HMCN1: variants seen among roughly 807,000 people sequenced by gnomAD.
HMCN1 encodes the protein hemicentin 1, also known as hemicentin-1.
In HMCN1, 321 loss-of-function variants were observed where a neutral mutation model predicts 625.9. The observed-to-expected ratio is 0.51, with a 90% confidence interval of 0.47 to 0.56. The LOEUF is 0.56. HMCN1 is among the 20% of genes least tolerant of loss of function. HMCN1 has a pLI of 0.00. For missense variants in HMCN1, 6,588 were observed against 6,887.3 expected, an observed-to-expected ratio of 0.96 and a Z score of 1.54; for synonymous variants, 2,425 against 2,417.6, an observed-to-expected ratio of 1.00 and a Z score of -0.09.
At position 185,982,405 on chromosome 1, in the gene HMCN1, A is replaced by T; in HGVS notation, c.2790+16A>T. 1.2e-6 allele frequency: 2 copies of T among 1,606,386 alleles called. No homozygotes were observed. The highest frequency in any genetic ancestry group is 1.7e-6 in the Non-Finnish European group (2 of 1,174,006). On this transcript the variant is annotated intron_variant, in intron 18 of 106. Coordinates refer to ENST00000271588, the MANE Select transcript of HMCN1 (RefSeq NM_031935.3). ...TTCAGCTATGGTAAGAACATTTTAAATGCATGCATTCACATTCTTTTGTGA... is the reference window on the plus strand; with the variant it reads ...TTCAGCTATGGTAAGAACATTTTAATTGCATGCATTCACATTCTTTTGTGA...
At chr1:185,928,418 G>T in intron 9 of HMCN1, 128 bp from the exon 10 acceptor site, 2 of 763,978 alleles carry the variant, frequency 2.6e-6, no homozygotes, top group South Asian at 3.0e-5. Context: ...AAAGAACTCT[G>T]CAGTTTTATC....
At chr1:185,803,203 AG>A (rs1658919477) in intron 1 of HMCN1, among the ~76,000 whole-genome samples, 34 of 124,364 alleles carry the variant, frequency 2.7e-4, no homozygotes, top group East Asian at 8.7e-4. Flanking sequence ...AAAAAAAAAA[AG>A]CAAAAAAAAA....
chr1:185,936,230 T>G (rs1217364660), intron 11 of HMCN1, among the ~76,000 whole-genome samples: 1 of 152,110 alleles, frequency 6.6e-6, no homozygotes, highest in Non-Finnish European at 1.5e-5. Flanking sequence ...AAGAATTTTC[T>G]TCTTTAAGAT....
At chr1:185,891,875 A>T (rs1434075328) in intron 4 of HMCN1, among the ~76,000 whole-genome samples, 3 of 147,776 alleles carry the variant, frequency 2.0e-5, no homozygotes, top group Non-Finnish European at 2.9e-5. Flanking sequence ...TAGATTGGGG[A>T]AATTCTCCAG....
Position 186,145,556 on chromosome 1 carries a change from A to C in HMCN1, c.14420A>C (p.Asn4807Thr). 1 of 1,614,096 alleles carries C rather than the reference A, an allele frequency of 6.2e-7. No homozygotes were observed. Among genetic ancestry groups the C allele is most frequent in the Non-Finnish European group, 8.5e-7 (1 of 1,179,984 alleles). Residue 4807 changes from asparagine (N) to threonine (T), a missense_variant, in exon 92 of 107, where the codon AAC becomes ACC. Around this residue, in one of 3 missense-constraint regions of HMCN1, gnomAD observed 1,954 missense variants for 2,013.1 expected, o/e 0.97. Transcript: ENST00000271588. Reference sequence around the variant, plus strand: ...CCAGACTCCCAGATCCAGAGGTGCAACACTGACATGTGTCCTGGTGAGCCT... The same window carrying C: ...CCAGACTCCCAGATCCAGAGGTGCACCACTGACATGTGTCCTGGTGAGCCT... ...GGPDSQIQRC[N>T]TDMCPVDGSW...
chr1:186,001,551 T>G, intron 27 of HMCN1, 43 bp from the exon 28 acceptor site: 3 of 1,610,610 alleles, frequency 1.9e-6, no homozygotes, highest in Non-Finnish European at 2.5e-6. Flanking sequence ...TTATGCATTT[T>G]TATTAGGATT....
intron 68 of HMCN1, among the ~76,000 whole-genome samples, chr1:186,101,927 A>T (rs1408756411): frequency 6.6e-6 from 1 of 152,150 alleles, no homozygotes; most frequent in Non-Finnish European, 1.5e-5. Flanking sequence ...TCAATAAATG[A>T]TTTATAGTTT....
intron 63 of HMCN1, 144 bp from the exon 64 acceptor site, chr1:186,090,614 A>T: frequency 1.1e-6 from 1 of 870,244 alleles, no homozygotes; most frequent in South Asian, 1.6e-5. Flanking sequence ...TTTAAAAGTA[A>T]TTCATGAAGA....
At chr1:186,023,294 T>G (rs1480486858) in intron 36 of HMCN1, 141 bp downstream of exon 36, 4 of 721,336 alleles carry the variant, frequency 5.5e-6, no homozygotes, top group African/African-American at 3.6e-5. Flanking sequence ...TAGGGTTTTT[T>G]TTTTTTTTTT....
intron 4 of HMCN1, among the ~76,000 whole-genome samples, chr1:185,883,298 A>G (rs1211932036): frequency 6.6e-6 from 1 of 152,086 alleles, no homozygotes; most frequent in Non-Finnish European, 1.5e-5. Flanking sequence ...TGCAAAATGC[A>G]TTCATATTAA....
At chr1:186,058,818 T>C (rs2102298773) in intron 46 of HMCN1, among the ~76,000 whole-genome samples, 1 of 152,078 alleles carries the variant, frequency 6.6e-6, no homozygotes, top group East Asian at 1.9e-4. Context: ...TTTTTCCTAG[T>C]GCTGGAATTA....
At chr1:186,168,372 G>C (rs1652009987) in intron 100 of HMCN1, among the ~76,000 whole-genome samples, 1 of 151,516 alleles carries the variant, frequency 6.6e-6, no homozygotes, top group Non-Finnish European at 1.5e-5. Flanking sequence ...AGAATCGCTT[G>C]AACCCAGGAG....
chr1:186,094,730 G>A (rs1660036863), intron 67 of HMCN1, among the ~76,000 whole-genome samples: 1 of 152,126 alleles, frequency 6.6e-6, no homozygotes, highest in Non-Finnish European at 1.5e-5. Context: ...ATGGATGCAT[G>A]TGCATATATG....
chr1:185,780,957 A>G (rs1657043634), intron 1 of HMCN1, among the ~76,000 whole-genome samples: 1 of 151,994 alleles, frequency 6.6e-6, no homozygotes, highest in Admixed American at 6.6e-5. Context: ...GGTAGAATTC[A>G]GCTGTGAATC....
chr1:185,910,085 A>C (rs1666329186), intron 5 of HMCN1, among the ~76,000 whole-genome samples: 1 of 152,156 alleles, frequency 6.6e-6, no homozygotes. Context: ...ATCAAATAAC[A>C]ATCTAGTAAA....
chr1:186,072,341 C>CA (rs1399596913), intron 52 of HMCN1, among the ~76,000 whole-genome samples: 1 of 151,972 alleles, frequency 6.6e-6, no homozygotes, highest in African/African-American at 2.4e-5. Context: ...TTTCTTTTAG[C>CA]AAAAAAATTT....
chr1:185,788,640 A>G (rs1258803222), intron 1 of HMCN1, among the ~76,000 whole-genome samples: 1 of 152,208 alleles, frequency 6.6e-6, no homozygotes, highest in African/African-American at 2.4e-5. Flanking sequence ...TAAGTGTCTC[A>G]AGGGATAATG....
chr1:186,005,348 A>G (rs1653523833), intron 29 of HMCN1, among the ~76,000 whole-genome samples: 1 of 146,448 alleles, frequency 6.8e-6, no homozygotes, highest in African/African-American at 2.6e-5. Flanking sequence ...TTGTTTATAA[A>G]TGTTTATAAA....
At chr1:185,774,070 G>A (rs1015384271) in intron 1 of HMCN1, among the ~76,000 whole-genome samples, 6 of 152,130 alleles carry the variant, frequency 3.9e-5, no homozygotes, top group African/African-American at 1.4e-4. Context: ...TGTGCTTTTT[G>A]TTCCATACTA....
Sources: allele counts gnomAD v4.1 joint callset (sites outside exome capture counted in the v4.1 genomes callset), GRCh38; gene constraint gnomAD v4.1.1; regional missense constraint gnomAD v4.1.1; transcripts MANE v1.5; gene names NCBI Gene and HGNC (gene_info 2026-07-23, HGNC 2026-07-21).